STMN2: variants seen among roughly 807,000 people sequenced by gnomAD.
The protein encoded by STMN2 is stathmin-2.
In STMN2, 2 loss-of-function variants were observed where a neutral mutation model predicts 24.1. The observed-to-expected ratio is 0.08, with a 90% CI of 0.03 to 0.26. The LOEUF is 0.26. Among genes scored for constraint, STMN2 ranks in the 10% least tolerant of loss-of-function variants. The pLI is 1.00. For synonymous variants in STMN2, 83 were observed against 77.5 expected (o/e 1.07, Z -0.37); for missense variants, 114 against 213.6 (o/e 0.53, Z 2.91).
intron 1 of STMN2, among the ~76,000 whole-genome samples, chr8:79,614,989 T>G (rs1809350948): frequency 6.6e-6 from 1 of 152,202 alleles, no homozygotes; most frequent in Non-Finnish European, 1.5e-5. Flanking sequence ...TTACTCAGAT[T>G]CAGGAAATGT....
chr8:79,661,633 C>A (rs1719376944), intron 4 of STMN2, among the ~76,000 whole-genome samples: 1 of 152,098 alleles, frequency 6.6e-6, no homozygotes, highest in Non-Finnish European at 1.5e-5. Context: ...GATGTACTAT[C>A]ACATTTCATC....
intron 4 of STMN2, 36 bp downstream of exon 4, chr8:79,655,098 T>C: frequency 6.2e-7 from 1 of 1,603,294 alleles, no homozygotes; most frequent in Non-Finnish European, 8.5e-7. Context: ...ATGGATATAT[T>C]CATATGCAGC....
chr8:79,611,651 G>A (rs1809223635), intron 1 of STMN2: 1 of 433,956 alleles, frequency 2.3e-6, no homozygotes, highest in East Asian at 1.4e-4. Flanking sequence ...AAAGGAAAAA[G>A]AAAATTGCAA....
chr8:79,632,580 C>T (rs1429812172), intron 1 of STMN2, among the ~76,000 whole-genome samples: 1 of 152,156 alleles, frequency 6.6e-6, no homozygotes, highest in African/African-American at 2.4e-5. Flanking sequence ...TCTTTATGGT[C>T]ATTAAGAACA....
At chr8:79,622,963 GCC>G (rs1393345207) in intron 1 of STMN2, among the ~76,000 whole-genome samples, 4 of 151,914 alleles carry the variant, frequency 2.6e-5, no homozygotes, top group African/African-American at 9.7e-5. Flanking sequence ...ATATCTCATT[GCC>G]ACCTCCCAGT....
At chr8:79,649,457 G>T (rs1050258093) in intron 3 of STMN2, among the ~76,000 whole-genome samples, 2 of 151,896 alleles carry the variant, frequency 1.3e-5, no homozygotes, top group African/African-American at 4.8e-5. Context: ...AGTGAATATT[G>T]TACTCTTTGG....
chr8:79,615,358 C>T (rs114941144), intron 1 of STMN2, among the ~76,000 whole-genome samples: 3,036 of 152,302 alleles, frequency 0.02, 85 homozygotes, highest in African/African-American at 0.069. Context: ...GAGCACAAAC[C>T]TAGGCCTGGG....
chr8:79,663,584 T>C, intron 4 of STMN2: 1 of 1,525,254 alleles, frequency 6.6e-7, no homozygotes, highest in Non-Finnish European at 8.8e-7. Context: ...TTATAGCTGG[T>C]CAAGTTTATT....
At chr8:79,626,634 T>A (rs1404721480) in intron 1 of STMN2, among the ~76,000 whole-genome samples, 1 of 152,128 alleles carries the variant, frequency 6.6e-6, no homozygotes, top group Non-Finnish European at 1.5e-5. Context: ...GGAAGCTAAT[T>A]GGGCCACTGG....
rs555051501 is a variant in STMN2, at chr8:79,656,913, G to A, written c.480+1851G>A. Among the ~76,000 whole-genome samples the A allele has an allele frequency of 1.4e-4, 21 of 151,566 alleles. 1 individual carries two copies. The highest frequency in any genetic ancestry group is 3.4e-4 in the African/African-American group (14 of 41,434). On this transcript the variant is annotated intron_variant, in intron 4 of 4. Coordinates refer to ENST00000220876, the MANE Select transcript of STMN2 (RefSeq NM_007029.4). ...TTTTGAGATAGAGTCTCGCTGTGTC[G>A]CCCAGGCTGGAGTGCAGTGGCACGA... is the stretch of plus-strand genomic sequence containing the variant.
chr8:79,654,343 A>T (rs1301068972), intron 3 of STMN2, among the ~76,000 whole-genome samples: 1 of 146,822 alleles, frequency 6.8e-6, no homozygotes, highest in Non-Finnish European at 1.5e-5. Context: ...ACTTTGGTGT[A>T]TGGGGGATAG....
Position 79,664,965 on chromosome 8 carries a change from A to G in STMN2, c.*91A>G. 2 of 1,148,948 alleles carry G rather than the reference A, an allele frequency of 1.7e-6. No individual in the cohort carries two copies. Among genetic ancestry groups the G allele is most frequent in the South Asian group, 2.3e-5 (1 of 43,722 alleles). The allele number at this position is 1,148,948 out of a possible 1,614,324, so 71.2% of individuals were successfully genotyped here. A position where few individuals can be genotyped will look rare whatever the true frequency, so the allele number is the denominator to read the frequency against. ...GCGATATCAGGATGGGGAATGTATG[A>G]CATGGTTTAAAAAGAACTCATTATA... is the stretch of plus-strand genomic sequence containing the variant. On this transcript the variant is annotated 3_prime_UTR_variant, in exon 5 of 5. Coordinates refer to ENST00000220876, the MANE Select transcript of STMN2 (RefSeq NM_007029.4).
At position 79,613,156 on chromosome 8, in the gene STMN2, GC is replaced by G. The variant is rs537393449; in HGVS notation, c.19+1948del. 2.1e-3 allele frequency among the ~76,000 whole-genome samples: 313 copies of G among 147,854 alleles called. 2 individuals are homozygous for G. The highest frequency in any genetic ancestry group is 0.021 in the Middle Eastern group (6 of 286). Reference sequence around the variant, plus strand: ...CGGGGCTTTTTTTCCCCCAGCCCAAGCCCCCCGCCCACCCTCTGTTCTCTAT... The same window carrying G: ...CGGGGCTTTTTTTCCCCCAGCCCAAGCCCCCGCCCACCCTCTGTTCTCTAT... On this transcript the variant is annotated intron_variant, in intron 1 of 4. Transcript: ENST00000220876.
At chr8:79,653,789 C>G (rs1482229882) in intron 3 of STMN2, among the ~76,000 whole-genome samples, 2 of 152,192 alleles carry the variant, frequency 1.3e-5, no homozygotes, top group African/African-American at 4.8e-5. Context: ...CTCGGGGCAT[C>G]AGCTGATCCT....
chr8:79,650,179 C>T (rs752339484), intron 3 of STMN2, among the ~76,000 whole-genome samples: 6 of 152,098 alleles, frequency 3.9e-5, no homozygotes, highest in Non-Finnish European at 8.8e-5. Flanking sequence ...TTTTAGTGAC[C>T]TTCTATGTTA....
chr8:79,661,856 T>G (rs1308642555), intron 4 of STMN2, among the ~76,000 whole-genome samples: 1 of 152,098 alleles, frequency 6.6e-6, no homozygotes, highest in African/African-American at 2.4e-5. Flanking sequence ...CTTTCTTAGC[T>G]CACACAACTC....
At chr8:79,615,185 G>T (rs1809355213) in intron 1 of STMN2, among the ~76,000 whole-genome samples, 1 of 152,212 alleles carries the variant, frequency 6.6e-6, no homozygotes, top group Non-Finnish European at 1.5e-5. Context: ...GGAAGACTTT[G>T]TCATTGATAA....
rs200448032 is a variant in STMN2, at chr8:79,636,815, A to G, written c.33A>G (p.Lys11=). 1.9e-6 allele frequency: 3 copies of G among 1,613,776 alleles called. No individual in the cohort carries two copies. In the African/African-American group the frequency reaches 4.0e-5, roughly 22 times the overall value. The part of the protein sequence containing the change: MAKTAMAYKE[K]MKELSMLSLI... ...TTTTCATTTCAGCCTACAAGGAAAAAATGAAGGAGCTGTCCATGCTGTCAC... is the reference window on the plus strand; with the variant it reads ...TTTTCATTTCAGCCTACAAGGAAAAGATGAAGGAGCTGTCCATGCTGTCAC... Residue 11 remains lysine, a synonymous_variant, in exon 2 of 5, where the codon AAA becomes AAG. Transcript: ENST00000220876.
At chr8:79,641,162 G>A (rs964084850) in intron 2 of STMN2, among the ~76,000 whole-genome samples, 1 of 152,040 alleles carries the variant, frequency 6.6e-6, no homozygotes, top group African/African-American at 2.4e-5. Flanking sequence ...TCTCAATATG[G>A]TAAATATTTA....
Sources: allele counts gnomAD v4.1 joint callset (sites outside exome capture counted in the v4.1 genomes callset), GRCh38; gene constraint gnomAD v4.1.1; transcripts MANE v1.5; gene names NCBI Gene and HGNC (gene_info 2026-07-23, HGNC 2026-07-21).